GSE1: variants seen among roughly 807,000 people sequenced by gnomAD.
GSE1 encodes genetic suppressor element 1.
Under a neutral mutation model 112.6 loss-of-function variants are expected in GSE1, and 32 were observed. That is an observed-to-expected ratio of 0.28 (90% CI 0.21 to 0.38). The LOEUF is 0.38. GSE1 is among the 10% of genes least tolerant of loss of function. The probability of loss-of-function intolerance (pLI) is 1.00; values close to 1 mark genes in which losing one functional copy is unlikely to be tolerated. For missense variants in GSE1, 2,348 were observed against 1,699.2 expected, an observed-to-expected ratio of 1.38 and a Z score of -6.71; for synonymous variants, 1,115 against 735.6, an observed-to-expected ratio of 1.52 and a Z score of -8.35.
At chr16:85,642,022 C>T (rs1233869357) in intron 2 of GSE1, among the ~76,000 whole-genome samples, 1 of 152,276 alleles carries the variant, frequency 6.6e-6, no homozygotes, top group Non-Finnish European at 1.5e-5. Flanking sequence ...CTGCCCCGCC[C>T]TCCCTCCAGC....
At chr16:85,367,477 A>T (rs2047208680) in intron 2 of GSE1, among the ~76,000 whole-genome samples, 1 of 152,214 alleles carries the variant, frequency 6.6e-6, no homozygotes. Flanking sequence ...TAACTCCCGA[A>T]TGAGCAGGTA....
At chr16:85,268,754 C>T (rs900972276) in intron 1 of GSE1, among the ~76,000 whole-genome samples, 5 of 152,164 alleles carry the variant, frequency 3.3e-5, no homozygotes, top group Non-Finnish European at 5.9e-5. Flanking sequence ...CTGCCTTCCT[C>T]GGGGGGCATT....
chr16:85,425,445 G>GA (rs1223934556), intron 2 of GSE1, among the ~76,000 whole-genome samples: 4 of 152,248 alleles, frequency 2.6e-5, no homozygotes, highest in Non-Finnish European at 5.9e-5. Flanking sequence ...CTGGAGCTGC[G>GA]AGTGTCAGGG....
intron 1 of GSE1, chr16:85,592,342 G>A (rs11864153): frequency 1.3e-5 from 2 of 151,944 alleles, no homozygotes; most frequent in Non-Finnish European, 2.9e-5. Flanking sequence ...TAGAGACAGG[G>A]TTTCTCCATG....
At chr16:85,609,216 G>C (rs117004110), upstream of GSE1, among the ~76,000 whole-genome samples, 2 of 152,180 alleles carry the variant, frequency 1.3e-5, no homozygotes, top group African/African-American at 4.8e-5. Context: ...GCCCTCTGCT[G>C]TCTGTCCCTT....
intron 1 of GSE1, among the ~76,000 whole-genome samples, chr16:85,625,037 G>C (rs1467542811): frequency 6.6e-6 from 1 of 152,172 alleles, no homozygotes; most frequent in African/African-American, 2.4e-5. Context: ...CGCTGTTGGT[G>C]CTGGGCACCA....
chr16:85,247,373 G>T (rs1905972372), intron 1 of GSE1, among the ~76,000 whole-genome samples: 1 of 152,218 alleles, frequency 6.6e-6, no homozygotes, highest in South Asian at 2.1e-4. Context: ...AGCACTGGGA[G>T]ATCCTCAGAG....
intron 1 of GSE1, among the ~76,000 whole-genome samples, chr16:85,616,959 C>T (rs555236430): frequency 8.5e-5 from 13 of 152,320 alleles, no homozygotes; most frequent in African/African-American, 2.9e-4. Context: ...AACGCACACT[C>T]GGGGGCCTTT....
At chr16:85,421,993 C>CG (rs2048856021) in intron 2 of GSE1, among the ~76,000 whole-genome samples, 1 of 152,090 alleles carries the variant, frequency 6.6e-6, no homozygotes, top group South Asian at 2.1e-4. Context: ...ATTGTCTTTC[C>CG]GGGGGCCCCT....
intron 2 of GSE1, among the ~76,000 whole-genome samples, chr16:85,361,098 C>T (rs2047063851): frequency 6.6e-6 from 1 of 151,614 alleles, no homozygotes; most frequent in South Asian, 2.1e-4. Context: ...CACACAGACA[C>T]ACACGGGCAG....
At chr16:85,273,962 G>T (rs533406195) in intron 1 of GSE1, among the ~76,000 whole-genome samples, 18 of 150,978 alleles carry the variant, frequency 1.2e-4, no homozygotes, top group South Asian at 6.3e-4. Flanking sequence ...CTCCCAAAGT[G>T]CTGGGATTAC....
At chr16:85,573,859 A>T (rs1470173993) in intron 1 of GSE1, among the ~76,000 whole-genome samples, 1 of 152,174 alleles carries the variant, frequency 6.6e-6, no homozygotes, top group African/African-American at 2.4e-5. Flanking sequence ...ACTCAAGAAA[A>T]TGTTTTCCAA....
At chr16:85,582,105 G>A (rs2046471561) in intron 1 of GSE1, 1 of 152,208 alleles carries the variant, frequency 6.6e-6, no homozygotes, top group African/African-American at 2.4e-5. Flanking sequence ...GGTGGGGAAG[G>A]AGGCAAGAGG....
At chr16:85,612,905 G>A (rs2048086648), upstream of GSE1, among the ~76,000 whole-genome samples, 1 of 151,180 alleles carries the variant, frequency 6.6e-6, no homozygotes, top group African/African-American at 2.5e-5. Flanking sequence ...CGTGGCGAGG[G>A]TGCTGCACTA....
At chr16:85,282,105 G>A (rs958974471) in intron 1 of GSE1, among the ~76,000 whole-genome samples, 1 of 151,498 alleles carries the variant, frequency 6.6e-6, no homozygotes, top group African/African-American at 2.4e-5. Flanking sequence ...TCAGCCCACT[G>A]CAACCTCTGC....
chr16:85,673,732 G>C lies in GSE1; in HGVS notation c.*1193G>C, dbSNP rs150378558. 6.6e-6 allele frequency: 1 copy of C among 152,280 alleles called. No individual in the cohort carries two copies. The highest frequency in any genetic ancestry group is 1.5e-5 in the Non-Finnish European group (1 of 68,034). 9.4% of individuals were successfully genotyped at this position (152,280 alleles called of 1,614,324 possible). ...AAGCTAATAGCAAATATTACCCATT[G>C]CTATCAAGGGAGGAGGGGGTAGTCT... On this transcript the variant is annotated 3_prime_UTR_variant, in exon 16 of 16. Coordinates refer to ENST00000253458, the MANE Select transcript of GSE1 (RefSeq NM_014615.5).
At chr16:85,393,341 C>G (rs1247484269) in intron 2 of GSE1, among the ~76,000 whole-genome samples, 1 of 152,204 alleles carries the variant, frequency 6.6e-6, no homozygotes, top group Non-Finnish European at 1.5e-5. Context: ...ACAGGAGCGG[C>G]AGGGAGGCCA....
chr16:85,583,546 C>A, intron 1 of GSE1: 1 of 151,170 alleles, frequency 6.6e-6, no homozygotes, highest in South Asian at 2.1e-4. Context: ...CACACACACG[C>A]CTGAAGTCAC....
Position 85,343,200 on chromosome 16 carries a change from G to A in GSE1, c.2284-14263G>A, listed in dbSNP as rs969999792. On this transcript the variant is annotated intron_variant, in intron 1 of 2. Transcript: ENST00000637419. ...AAGAAACAAAGCATGGGTGCACAGGGCAACCTGGGTGCATCTCCAGAGGAC... is the reference window on the plus strand; with the variant it reads ...AAGAAACAAAGCATGGGTGCACAGGACAACCTGGGTGCATCTCCAGAGGAC... Among the ~76,000 whole-genome samples the A allele has an allele frequency of 6.6e-5, 10 of 152,326 alleles. No individual in the cohort carries two copies. The East Asian group carries it at 1.7e-3, about 27-fold the overall frequency.
Sources: allele counts gnomAD v4.1 joint callset (sites outside exome capture counted in the v4.1 genomes callset), GRCh38; gene constraint gnomAD v4.1.1; transcripts MANE v1.5; gene names NCBI Gene and HGNC (gene_info 2026-07-23, HGNC 2026-07-21).